The following CSMD3 variants were observed in gnomAD, a reference collection of about 807,000 sequenced individuals.
The protein encoded by CSMD3 is CUB and Sushi multiple domains 3.
Under a neutral mutation model 435.2 loss-of-function variants are expected in CSMD3, and 177 were observed. The ratio of observed to expected loss-of-function variants is 0.41; its 90% CI spans 0.36 to 0.46. The LOEUF (loss-of-function observed/expected upper bound fraction) is 0.46. Among genes scored for constraint, CSMD3 ranks in the 20% least tolerant of loss-of-function variants. CSMD3 has a pLI of 0.34. For synonymous variants in CSMD3, 1,656 were observed against 1,520.5 expected, an observed-to-expected ratio of 1.09 and a Z score of -2.07; for missense variants, 4,265 against 4,504.6, an observed-to-expected ratio of 0.95 and a Z score of 1.52.
intron 5 of CSMD3, among the ~76,000 whole-genome samples, chr8:113,090,484 G>A (rs935772555): frequency 2.0e-5 from 3 of 152,028 alleles, no homozygotes; most frequent in Non-Finnish European, 4.4e-5. Context: ...GAAAATTGTA[G>A]GTTCTCTGTT....
chr8:112,945,645 A>T (rs1244872991), intron 9 of CSMD3, among the ~76,000 whole-genome samples: 3 of 148,810 alleles, frequency 2.0e-5, no homozygotes, highest in African/African-American at 7.4e-5. Flanking sequence ...TGAGTTTTAA[A>T]TGTTGTCTCC....
chr8:113,122,727 G>C (rs186094637), intron 4 of CSMD3, among the ~76,000 whole-genome samples: 9 of 152,210 alleles, frequency 5.9e-5, no homozygotes, highest in African/African-American at 1.7e-4. Flanking sequence ...AAGGAATGCA[G>C]CTCTGATAAC....
intron 23 of CSMD3, among the ~76,000 whole-genome samples, chr8:112,579,265 C>A (rs1830166757): frequency 1.3e-5 from 2 of 152,182 alleles, no homozygotes; most frequent in East Asian, 1.9e-4. Context: ...GGCACAGACA[C>A]AACCCATTTC....
intron 3 of CSMD3, among the ~76,000 whole-genome samples, chr8:113,217,464 G>C (rs1193047117): frequency 6.6e-6 from 1 of 151,414 alleles, no homozygotes; most frequent in South Asian, 2.1e-4. Context: ...AGGACTTAAA[G>C]GCACAGATAA....
At chr8:112,945,666 AC>A (rs767659440) in intron 9 of CSMD3, among the ~76,000 whole-genome samples, 4 of 151,204 alleles carry the variant, frequency 2.6e-5, no homozygotes, top group Non-Finnish European at 4.4e-5. Context: ...ATTAAAAAAA[AC>A]AATGTATTTA....
intron 16 of CSMD3, among the ~76,000 whole-genome samples, chr8:112,668,557 G>A (rs1417309075): frequency 1.3e-5 from 2 of 152,018 alleles, no homozygotes; most frequent in African/African-American, 4.8e-5. Flanking sequence ...GAGTTAGAAG[G>A]GGTCTTTAAA....
At chr8:112,340,372 C>G (rs1824978499) in intron 42 of CSMD3, among the ~76,000 whole-genome samples, 1 of 152,098 alleles carries the variant, frequency 6.6e-6, no homozygotes, top group Admixed American at 6.6e-5. Flanking sequence ...AAGTATAATA[C>G]AAATTATAAT....
At position 112,281,438 on chromosome 8, in the gene CSMD3, A is replaced by G. The variant is rs1411181627; in HGVS notation, c.9332-88T>C. On this transcript the variant is annotated intron_variant, in intron 58 of 70. Coordinates refer to ENST00000297405, the MANE Select transcript of CSMD3 (RefSeq NM_198123.2). Reference sequence around the variant, plus strand: ...GTTAATGACTAAACGATTCTTTCAAATTATTCAAAGAAGCAATAAAAACTT... The same window carrying G: ...GTTAATGACTAAACGATTCTTTCAAGTTATTCAAAGAAGCAATAAAAACTT... 3.1e-5 allele frequency: 33 copies of G among 1,056,596 alleles called. No homozygotes were observed. In the East Asian group the frequency reaches 8.1e-4, roughly 26 times the overall value. The allele number at this position is 1,056,596 out of a possible 1,614,324, so 65.5% of individuals were successfully genotyped here. A position where few individuals can be genotyped will look rare whatever the true frequency, so the allele number is the denominator to read the frequency against.
intron 38 of CSMD3, among the ~76,000 whole-genome samples, chr8:112,352,750 G>T (rs377431470): frequency 6.6e-6 from 1 of 151,992 alleles, no homozygotes; most frequent in South Asian, 2.1e-4. Flanking sequence ...AATTTTTATG[G>T]CACCAGTCAT....
rs545109872 is a variant in CSMD3 at position 112,311,036 on chromosome 8, C to A, written c.7827G>T (p.Val2609=). 6.2e-7 allele frequency: 1 copy of A among 1,614,094 alleles called. No individual in the cohort carries two copies. The highest frequency in any genetic ancestry group is 1.1e-5 in the South Asian group (1 of 91,086). ...GATACCCATAGGAAGACTTTCTGCA[C>A]ACAGCACTGCTTTTTCCAACAAGTC... ...GFRLVGKSSA[V]CRKSSYGYHA... The change falls in exon 50 of 71, where the codon GTG becomes GTT. Residue 2609 remains valine (V), a synonymous_variant. Transcript: ENST00000297405.
At chr8:112,672,118 G>C (rs1314496702) in intron 16 of CSMD3, among the ~76,000 whole-genome samples, 1 of 152,088 alleles carries the variant, frequency 6.6e-6, no homozygotes, top group Non-Finnish European at 1.5e-5. Flanking sequence ...AAGTAGCCTT[G>C]AAATATAGGG....
intron 38 of CSMD3, among the ~76,000 whole-genome samples, chr8:112,358,901 A>T (rs1161019652): frequency 6.6e-6 from 1 of 152,162 alleles, no homozygotes; most frequent in South Asian, 2.1e-4. Context: ...TATCCCCTAA[A>T]TCTAAAATAA....
chr8:112,955,791 A>T (rs1231686959), intron 7 of CSMD3, among the ~76,000 whole-genome samples: 3 of 152,080 alleles, frequency 2.0e-5, no homozygotes, highest in African/African-American at 7.2e-5. Flanking sequence ...GAAGGATGAC[A>T]GCCTTAAATG....
chr8:112,516,939 A>G, intron 28 of CSMD3, 95 bp downstream of exon 28: 2 of 924,978 alleles, frequency 2.2e-6, no homozygotes, highest in Admixed American at 1.9e-5. Flanking sequence ...ACTCTCATAT[A>G]GAATCTAGTC....
intron 10 of CSMD3, among the ~76,000 whole-genome samples, chr8:112,909,508 T>C (rs7816315): frequency 0.014 from 2,192 of 151,858 alleles, 68 homozygotes; most frequent in African/African-American, 0.049. Context: ...GAAAGGGATG[T>C]ATAAAAGCAA....
chr8:112,643,580 C>T (rs755661996), intron 20 of CSMD3: 1 of 168,958 alleles, frequency 5.9e-6, no homozygotes, highest in Non-Finnish European at 1.5e-5. Context: ...ATTTACATAG[C>T]AAGCAGTATG....
At chr8:112,339,925 A>C (rs1403481259) in intron 42 of CSMD3, among the ~76,000 whole-genome samples, 1 of 152,200 alleles carries the variant, frequency 6.6e-6, no homozygotes, top group Non-Finnish European at 1.5e-5. Context: ...TCCTGTTAAT[A>C]ATACGTCAGT....
chr8:112,312,835 A>T (rs1822114614), intron 49 of CSMD3, among the ~76,000 whole-genome samples: 1 of 152,164 alleles, frequency 6.6e-6, no homozygotes, highest in South Asian at 2.1e-4. Context: ...ACTTTTTAGA[A>T]CTGAAATTCA....
chr8:113,193,903 T>C (rs1223640755), intron 3 of CSMD3, among the ~76,000 whole-genome samples: 2 of 151,476 alleles, frequency 1.3e-5, no homozygotes, highest in Non-Finnish European at 3.0e-5. Context: ...GGAGTTATTA[T>C]TTAGCAAATG....
Sources: allele counts gnomAD v4.1 joint callset (sites outside exome capture counted in the v4.1 genomes callset), GRCh38; gene constraint gnomAD v4.1.1; transcripts MANE v1.5; gene names NCBI Gene and HGNC (gene_info 2026-07-23, HGNC 2026-07-21).